The following NTM variants were observed in gnomAD, a reference collection of about 807,000 sequenced individuals.
NTM encodes neurotrimin, also known as IgLON family member 2.
Under a neutral mutation model 42.1 loss-of-function variants are expected in NTM, and 13 were observed. The ratio of observed to expected loss-of-function variants is 0.31; its 90% CI spans 0.20 to 0.49. NTM has a LOEUF of 0.49. NTM is among the 20% of genes least tolerant of loss of function. NTM has a pLI of 0.99. For synonymous variants in NTM, 187 were observed against 179.2 expected (o/e 1.04, Z -0.35); for missense variants, 373 against 452.8 (o/e 0.82, Z 1.60).
chr11:132,175,231 T>C (rs2076630834), intron 3 of NTM, among the ~76,000 whole-genome samples: 1 of 152,130 alleles, frequency 6.6e-6, no homozygotes, highest in Admixed American at 6.6e-5. Flanking sequence ...CTCTCTCCAC[T>C]TGAGCTATGA....
intron 2 of NTM, among the ~76,000 whole-genome samples, chr11:131,951,408 T>C (rs187206152): frequency 1.3e-5 from 2 of 152,172 alleles, no homozygotes; most frequent in Admixed American, 6.5e-5. Context: ...GAGGCAGTGT[T>C]ACTGCCTTTC....
chr11:131,867,129 A>T (rs950995507), intron 1 of NTM, among the ~76,000 whole-genome samples: 1 of 152,222 alleles, frequency 6.6e-6, no homozygotes. Flanking sequence ...CAGGTGTCCA[A>T]CTGTGTGTCT....
At chr11:132,237,051 T>C (rs1466855450) in intron 4 of NTM, among the ~76,000 whole-genome samples, 3 of 152,164 alleles carry the variant, frequency 2.0e-5, no homozygotes, top group Non-Finnish European at 4.4e-5. Context: ...TGGAAGACCC[T>C]GATGAGATCT....
chr11:132,060,192 G>C (rs5000156), intron 2 of NTM, among the ~76,000 whole-genome samples: 106,849 of 152,120 alleles, frequency 0.7, 38,420 homozygotes, highest in African/African-American at 0.78. Context: ...TCTTCCCAAA[G>C]TTACAATACA....
intron 1 of NTM, among the ~76,000 whole-genome samples, chr11:131,690,483 C>A (rs1592570162): frequency 6.6e-6 from 1 of 152,204 alleles, no homozygotes; most frequent in African/African-American, 2.4e-5. Context: ...GCGAACCTTG[C>A]TGCACGGGCT....
At chr11:132,331,682 G>T (rs1187286892) in intron 8 of NTM, among the ~76,000 whole-genome samples, 2 of 152,180 alleles carry the variant, frequency 1.3e-5, no homozygotes, top group Non-Finnish European at 2.9e-5. Flanking sequence ...AAATAAGTTA[G>T]GCAAAGAGAA....
chr11:132,279,610 T>C (rs952565550), intron 4 of NTM, among the ~76,000 whole-genome samples: 4 of 152,246 alleles, frequency 2.6e-5, no homozygotes, highest in African/African-American at 9.6e-5. Context: ...TTGCACAGGC[T>C]ATTCCACCTG....
intron 3 of NTM, among the ~76,000 whole-genome samples, chr11:132,175,113 C>A (rs185683162): frequency 2.0e-5 from 3 of 152,046 alleles, no homozygotes; most frequent in Non-Finnish European, 4.4e-5. Flanking sequence ...AAGTGCCCAG[C>A]GCTCATACTA....
At chr11:131,418,556 G>A (rs1947179236) in intron 1 of NTM, among the ~76,000 whole-genome samples, 1 of 152,226 alleles carries the variant, frequency 6.6e-6, no homozygotes, top group Non-Finnish European at 1.5e-5. Flanking sequence ...TGTGAATGCA[G>A]AGCAAGTGGT....
intron 1 of NTM, among the ~76,000 whole-genome samples, chr11:131,511,943 C>T (rs1028265696): frequency 2.6e-5 from 4 of 152,130 alleles, no homozygotes; most frequent in African/African-American, 9.7e-5. Context: ...GGGCCCGGCC[C>T]CTATTCTATG....
chr11:131,969,423 T>G (rs2063245470), intron 2 of NTM, among the ~76,000 whole-genome samples: 1 of 152,234 alleles, frequency 6.6e-6, no homozygotes, highest in Non-Finnish European at 1.5e-5. Context: ...ATGTACTTGT[T>G]CATGTTTTTC....
chr11:132,316,523 A>C (rs1318940993), intron 7 of NTM, among the ~76,000 whole-genome samples: 1 of 152,212 alleles, frequency 6.6e-6, no homozygotes, highest in Non-Finnish European at 1.5e-5. Flanking sequence ...GTTTAGAAAG[A>C]GTGGGTCACA....
chr11:131,876,168 C>T (rs1181064598), intron 1 of NTM, among the ~76,000 whole-genome samples: 1 of 152,140 alleles, frequency 6.6e-6, no homozygotes, highest in Non-Finnish European at 1.5e-5. Context: ...GTCAGCACTC[C>T]GCAGAGGCTA....
At chr11:131,950,797 C>G (rs192277609) in intron 2 of NTM, among the ~76,000 whole-genome samples, 1 of 152,124 alleles carries the variant, frequency 6.6e-6, no homozygotes, top group Non-Finnish European at 1.5e-5. Flanking sequence ...CTCTATGAAC[C>G]CTTCTCTAAT....
intron 2 of NTM, among the ~76,000 whole-genome samples, chr11:131,968,755 T>A (rs1484718665): frequency 2.0e-5 from 3 of 152,160 alleles, no homozygotes; most frequent in Non-Finnish European, 4.4e-5. Flanking sequence ...CTTTTATAAT[T>A]CACACATATC....
chr11:131,895,368 C>A (rs1444975967), intron 1 of NTM, among the ~76,000 whole-genome samples: 2 of 152,132 alleles, frequency 1.3e-5, no homozygotes, highest in Non-Finnish European at 2.9e-5. Context: ...TGTTAGGACT[C>A]ATTTACAGCT....
intron 2 of NTM, among the ~76,000 whole-genome samples, chr11:131,923,967 G>A (rs2057587166): frequency 6.6e-6 from 1 of 152,218 alleles, no homozygotes; most frequent in Admixed American, 6.5e-5. Flanking sequence ...GGGGTTCCGG[G>A]CCAGTGTGAA....
At chr11:132,260,387 G>A (rs1301479929) in intron 4 of NTM, among the ~76,000 whole-genome samples, 2 of 152,074 alleles carry the variant, frequency 1.3e-5, no homozygotes, top group African/African-American at 2.4e-5. Flanking sequence ...TCTTTCCACA[G>A]CATCATGCTG....
rs1440429853 is a variant in NTM at position 131,401,826 on chromosome 11, A to ATG, written c.82+30939_82+30940insGT. On this transcript the variant is annotated intron_variant, in intron 1 of 8. Transcript: ENST00000683400. Reference sequence around the variant, plus strand: ...TATATATATATATATATATATATATATATATATATATATATATATATATAT... The same window carrying ATG: ...TATATATATATATATATATATATATATGTATATATATATATATATATATATAT... 5.8e-3 allele frequency among the ~76,000 whole-genome samples: 354 copies of ATG among 60,558 alleles called. 26 individuals carry two copies. Among genetic ancestry groups the ATG allele is most frequent in the African/African-American group, 0.023 (321 of 14,194 alleles). 39.7% of individuals were successfully genotyped at this position (60,558 alleles called of 152,430 possible).
Sources: allele counts gnomAD v4.1 joint callset (sites outside exome capture counted in the v4.1 genomes callset), GRCh38; gene constraint gnomAD v4.1.1; transcripts MANE v1.5; gene names NCBI Gene and HGNC (gene_info 2026-07-23, HGNC 2026-07-21).